BRINP3: variants seen among roughly 807,000 people sequenced by gnomAD.
BRINP3 encodes BMP/retinoic acid-inducible neural-specific protein 3.
Under a neutral mutation model 71.0 loss-of-function variants are expected in BRINP3, and 19 were observed. That is an observed-to-expected ratio of 0.27 (90% CI 0.19 to 0.39). The LOEUF (loss-of-function observed/expected upper bound fraction) is 0.39. Ranked by LOEUF, BRINP3 falls within the 10% of genes least tolerant of loss-of-function variation. The pLI, the probability that BRINP3 is intolerant of heterozygous loss-of-function variation, is 1.00. For missense variants in BRINP3, 959 were observed against 940.8 expected (o/e 1.02, Z -0.25); for synonymous variants, 380 against 337.7 (o/e 1.13, Z -1.37).
rs373788042 is a variant in BRINP3 at position 190,330,627 on chromosome 1, T to C, written c.237-48877A>G. Among the ~76,000 whole-genome samples the C allele has an allele frequency of 8.5e-5, 13 of 152,150 alleles. 1 individual carries two copies. In the East Asian group the frequency reaches 1.4e-3, roughly 16 times the overall value. On this transcript the variant is annotated intron_variant, in intron 2 of 7. Coordinates refer to ENST00000367462, the MANE Select transcript of BRINP3 (RefSeq NM_199051.3). ...CCATTAGACCCAGCAATCCCATTAC[T>C]GGGTATATATCCAAAAGAAAACAAA...
chr1:190,183,211 T>A (rs1653185415), intron 6 of BRINP3, among the ~76,000 whole-genome samples: 1 of 152,142 alleles, frequency 6.6e-6, no homozygotes, highest in South Asian at 2.1e-4. Context: ...GCAACTGTAT[T>A]ACCTTCTCAT....
intron 2 of BRINP3, among the ~76,000 whole-genome samples, chr1:190,295,941 A>G (rs1664213526): frequency 6.6e-6 from 1 of 152,008 alleles, no homozygotes; most frequent in African/African-American, 2.4e-5. Context: ...TGTGATTTTT[A>G]ATCTGTATAG....
intron 1 of BRINP3, chr1:190,475,775 C>G (rs1159047432): frequency 6.6e-6 from 1 of 152,190 alleles, no homozygotes; most frequent in Non-Finnish European, 1.5e-5. Flanking sequence ...GCAAAACGCA[C>G]TTACCTAAAT....
intron 1 of BRINP3, among the ~76,000 whole-genome samples, chr1:190,462,905 C>T (rs1003655837): frequency 2.0e-5 from 3 of 152,032 alleles, no homozygotes; most frequent in Non-Finnish European, 4.4e-5. Flanking sequence ...AGCAAGTGTT[C>T]TGAGTAACTA....
intron 6 of BRINP3, among the ~76,000 whole-genome samples, chr1:190,184,798 A>C (rs1380112120): frequency 6.6e-6 from 1 of 152,066 alleles, no homozygotes; most frequent in Non-Finnish European, 1.5e-5. Flanking sequence ...TATATTCACT[A>C]CCTGGGTGAT....
intron 2 of BRINP3, among the ~76,000 whole-genome samples, chr1:190,446,904 G>C (rs1675254690): frequency 6.6e-6 from 1 of 151,792 alleles, no homozygotes; most frequent in Non-Finnish European, 1.5e-5. Context: ...GCCTTTGATG[G>C]GTGAACAACT....
chr1:190,156,067 C>G (rs558295526), intron 7 of BRINP3, among the ~76,000 whole-genome samples: 1 of 151,952 alleles, frequency 6.6e-6, no homozygotes, highest in African/African-American at 2.4e-5. Flanking sequence ...TCAAGGAAAC[C>G]AAATTGTCGC....
Position 190,301,244 on chromosome 1 carries a change from C to CAT in BRINP3, c.237-19496_237-19495dup, listed in dbSNP as rs368220773. 4.0e-3 allele frequency among the ~76,000 whole-genome samples: 446 copies of CAT among 112,760 alleles called. 4 individuals are homozygous for CAT. Among genetic ancestry groups the CAT allele is most frequent in the Middle Eastern group, 0.021 (4 of 194 alleles). 74.0% of individuals were successfully genotyped at this position (112,760 alleles called of 152,430 possible). Reference sequence around the variant, plus strand: ...ATATATATATATATATACACACATACATATATATATATATCTTATCACAGT... The same window carrying CAT: ...ATATATATATATATATACACACATACATATATATATATATATCTTATCACAGT... On this transcript the variant is annotated intron_variant, in intron 2 of 7. Coordinates refer to ENST00000367462, the MANE Select transcript of BRINP3 (RefSeq NM_199051.3).
intron 6 of BRINP3, among the ~76,000 whole-genome samples, chr1:190,203,658 TC>T (rs1177001026): frequency 6.8e-6 from 1 of 147,874 alleles, no homozygotes; most frequent in Non-Finnish European, 1.5e-5. Context: ...AGATGTAGTT[TC>T]CCCTAGGAGA....
At chr1:190,318,217 C>A (rs1455183616) in intron 2 of BRINP3, among the ~76,000 whole-genome samples, 2 of 151,990 alleles carry the variant, frequency 1.3e-5, no homozygotes, top group Non-Finnish European at 2.9e-5. Flanking sequence ...TGCATCTCTT[C>A]CTAAGAATAG....
chr1:190,178,511 T>C (rs187760207), intron 6 of BRINP3, among the ~76,000 whole-genome samples: 6 of 152,254 alleles, frequency 3.9e-5, no homozygotes. Context: ...TATTACTGTA[T>C]AGGATCTAGA....
intron 4 of BRINP3, 52 bp downstream of exon 4, chr1:190,264,813 T>C (rs964197385): frequency 1.3e-6 from 2 of 1,491,500 alleles, no homozygotes; most frequent in East Asian, 2.4e-5. Context: ...CTTTTGGATA[T>C]AGAGGAAACA....
chr1:190,152,827 G>A (rs2251247), intron 7 of BRINP3, among the ~76,000 whole-genome samples: 53,341 of 151,672 alleles, frequency 0.35, 9,431 homozygotes, highest in Middle Eastern at 0.4. Context: ...TTAGTGACTG[G>A]CATGGCTGAC....
chr1:190,323,679 C>T lies in BRINP3; in HGVS notation c.237-41929G>A, dbSNP rs113354437. 5.3e-3 allele frequency among the ~76,000 whole-genome samples: 808 copies of T among 151,382 alleles called. 7 individuals are homozygous for T. Among genetic ancestry groups the T allele is most frequent in the African/African-American group, 0.018 (759 of 41,288 alleles). On this transcript the variant is annotated intron_variant, in intron 2 of 7. Transcript: ENST00000367462. ...AGTTCTCTGTGGTTGAATATGATAA[C>T]TTATACTCTGAGATTACATGGGAAA...
intron 6 of BRINP3, among the ~76,000 whole-genome samples, chr1:190,202,979 A>G (rs976522779): frequency 6.6e-6 from 1 of 152,080 alleles, no homozygotes; most frequent in Non-Finnish European, 1.5e-5. Flanking sequence ...GATCCCCTAT[A>G]CTTGAGCTCC....
intron 6 of BRINP3, among the ~76,000 whole-genome samples, chr1:190,210,573 T>C (rs1385518666): frequency 6.6e-6 from 1 of 152,082 alleles, no homozygotes; most frequent in Non-Finnish European, 1.5e-5. Context: ...TATTCTATCA[T>C]CTTATTATGA....
At chr1:190,283,915 G>A (rs1663230786) in intron 2 of BRINP3, among the ~76,000 whole-genome samples, 2 of 151,698 alleles carry the variant, frequency 1.3e-5, no homozygotes, top group African/African-American at 4.8e-5. Flanking sequence ...CCTTAAAGCT[G>A]TGACATGTAT....
At chr1:190,456,147 G>A (rs1571359513) in intron 1 of BRINP3, among the ~76,000 whole-genome samples, 1 of 152,242 alleles carries the variant, frequency 6.6e-6, no homozygotes, top group South Asian at 2.1e-4. Context: ...TAAGAACACT[G>A]GTGGTTTTAA....
At chr1:190,447,226 CTT>C (rs1675276959) in intron 2 of BRINP3, among the ~76,000 whole-genome samples, 1 of 149,826 alleles carries the variant, frequency 6.7e-6, no homozygotes, top group Non-Finnish European at 1.5e-5. Flanking sequence ...ATTTCAATCT[CTT>C]TTCCTTTTCT....
Sources: allele counts gnomAD v4.1 joint callset (sites outside exome capture counted in the v4.1 genomes callset), GRCh38; gene constraint gnomAD v4.1.1; transcripts MANE v1.5; gene names NCBI Gene and HGNC (gene_info 2026-07-23, HGNC 2026-07-21).